LIMS2: variants seen among roughly 807,000 people sequenced by gnomAD.
The protein encoded by LIMS2 is LIM zinc finger domain containing 2, also known as LIM and senescent cell antigen-like-containing domain protein 2.
A neutral mutation model predicts 45.3 loss-of-function variants in LIMS2; 30 were observed. That is an observed-to-expected ratio of 0.66 (90% CI 0.50 to 0.90). LIMS2 has a LOEUF of 0.90. LIMS2 is among the 40% of genes least tolerant of loss of function. LIMS2 has a pLI of 0.00. For synonymous variants in LIMS2, 173 were observed against 188.0 expected (o/e 0.92, Z 0.65); for missense variants, 485 against 468.7 (o/e 1.03, Z -0.32).
chr2:127,659,170 T>C (rs1485205658), intron 1 of LIMS2, among the ~76,000 whole-genome samples: 2 of 152,178 alleles, frequency 1.3e-5, no homozygotes, highest in Non-Finnish European at 2.9e-5. Context: ...AGGCTGTCCT[T>C]TCTTCTCTGC....
chr2:127,658,540 G>T (rs778768180), intron 1 of LIMS2, among the ~76,000 whole-genome samples: 1 of 152,190 alleles, frequency 6.6e-6, no homozygotes, highest in Non-Finnish European at 1.5e-5. Flanking sequence ...GAACTACAGG[G>T]GAAAAGCCCA....
chr2:127,661,177 G>A (rs1317100511), intron 1 of LIMS2, among the ~76,000 whole-genome samples: 3 of 152,118 alleles, frequency 2.0e-5, no homozygotes, highest in Non-Finnish European at 2.9e-5. Context: ...GGGCCCAGCC[G>A]CTCAGCTCTA....
Position 127,638,817 on chromosome 2 carries a change from TGGCC to T in LIMS2, c.*460_*463del. On this transcript the variant is annotated 3_prime_UTR_variant, in exon 10 of 10. Coordinates refer to ENST00000355119, the MANE Select transcript of LIMS2 (RefSeq NM_001161403.3). ...TGGCTCCCAGAGGCCTCCATCTGCA[TGGCC>T]CTGGCCCTGTGGCTCCAGCAGGCTG... is the stretch of plus-strand genomic sequence containing the variant. 1 of 165,344 alleles carries T rather than the reference TGGCC, an allele frequency of 6.0e-6. No homozygotes were observed. Among genetic ancestry groups the T allele is most frequent in the Admixed American group, 5.9e-5 (1 of 17,044 alleles). The allele number at this position is 165,344 out of a possible 1,614,324, so 10.2% of individuals were successfully genotyped here.
In LIMS2 at chr2:127,642,988, G is replaced by A. The variant is rs752809300; in HGVS notation, c.444C>T (p.Asp148=). The A allele has an allele frequency of 2.3e-5, 37 of 1,575,446 alleles. No homozygotes were observed. Among genetic ancestry groups the A allele is most frequent in the South Asian group, 1.0e-4 (9 of 85,898 alleles). Residue 148 remains aspartate (D), a synonymous_variant, in exon 5 of 10, where the codon GAC becomes GAT. Transcript: ENST00000355119. This position sits in a 1 kb window ranked among gnomAD's most constrained non-coding sequence, Gnocchi z 5.3. ...CGCTCCTGAACATGAGGGGCTGCTC[G>A]TCGATGACCAGGTGGCACCGCTGGC... is the stretch of plus-strand genomic sequence containing the variant. ...YICQRCHLVI[D]EQPLMFRSDA...
intron 4 of LIMS2, chr2:127,650,029 G>C (rs61742898): frequency 6.2e-7 from 1 of 1,608,924 alleles, no homozygotes; most frequent in Non-Finnish European, 8.5e-7. Context: ...AACGGAGTTG[G>C]TGGGCTGGAT....
chr2:127,650,817 C>T, intron 4 of LIMS2: 1 of 1,613,906 alleles, frequency 6.2e-7, no homozygotes, highest in South Asian at 1.1e-5. Flanking sequence ...CCAGGAGACG[C>T]CACTGGAGAA....
Position 127,675,441 on chromosome 2 carries a change from C to T in LIMS2, c.-417G>A, listed in dbSNP as rs530831269. 1.3e-4 allele frequency among the ~76,000 whole-genome samples: 20 copies of T among 151,890 alleles called. No homozygotes were observed. The highest frequency in any genetic ancestry group is 4.8e-4 in the African/African-American group (20 of 41,368). ...GTAAAGGTAGAGGGTGGGCCCCGCT[C>T]CCGCACAGCCCCAGCTCCAGGGACA... On this transcript the variant is annotated 5_prime_UTR_variant, in exon 1 of 10. Coordinates refer to ENST00000355119, the MANE Select transcript of LIMS2 (RefSeq NM_001161403.3).
chr2:127,673,812 G>T, intron 1 of LIMS2: 2 of 1,416,822 alleles, frequency 1.4e-6, no homozygotes, highest in Non-Finnish European at 1.9e-6. Flanking sequence ...AGGCAGCCCC[G>T]CTAGAACCCT....
rs112944434 is a variant in LIMS2, at chr2:127,671,923, T to C, written c.11+3091A>G. ...GCTCTAGCTGCAGTCAGCTGCCCCT[T>C]GGCCGACACCTTCTGCCTAGGGGAC... On this transcript the variant is annotated intron_variant, in intron 1 of 9. Transcript: ENST00000355119. The surrounding 1 kb of genome is among the most constrained non-coding windows in gnomAD (Gnocchi z 4.1). 2.0e-5 allele frequency among the ~76,000 whole-genome samples: 3 copies of C among 152,342 alleles called. No homozygotes were observed. Among genetic ancestry groups the C allele is most frequent in the African/African-American group, 7.2e-5 (3 of 41,582 alleles).
Position 127,667,771 on chromosome 2 carries a change from A to G in LIMS2, c.11+7243T>C, listed in dbSNP as rs1685081067. ...ATGAGAAAATGAATGCTTTCCTCCT[A>G]AGGTCAGGGGGATTTCCAGTCCGCT... On this transcript the variant is annotated intron_variant, in intron 1 of 9. Coordinates refer to ENST00000355119, the MANE Select transcript of LIMS2 (RefSeq NM_001161403.3). The surrounding 1 kb of genome is among the most constrained non-coding windows in gnomAD (Gnocchi z 4.1). 6.6e-6 allele frequency among the ~76,000 whole-genome samples: 1 copy of G among 152,236 alleles called. No homozygotes were observed.
intron 4 of LIMS2, chr2:127,644,162 GC>G (rs1682710805): frequency 2.2e-6 from 1 of 453,902 alleles, no homozygotes; most frequent in Admixed American, 2.4e-5. Context: ...AGGGCAAGGG[GC>G]CCAAACAAAG....
intron 2 of LIMS2, 126 bp from the exon 3 acceptor site, chr2:127,655,022 A>C (rs1425699739): frequency 1.1e-6 from 1 of 882,592 alleles, no homozygotes; most frequent in Non-Finnish European, 1.9e-6. Context: ...TGCCGGGCTG[A>C]GGCTGGAGCA....
Position 127,664,732 on chromosome 2 carries a change from C to T in LIMS2, c.12-7170G>A, listed in dbSNP as rs999430274. The T allele has an allele frequency of 1.7e-5, 7 of 400,432 alleles. No homozygotes were observed. The highest frequency in any genetic ancestry group is 8.7e-5 in the African/African-American group (4 of 46,008). The allele number at this position is 400,432 out of a possible 1,614,324, so 24.8% of individuals were successfully genotyped here. A position where few individuals can be genotyped will look rare whatever the true frequency, so the allele number is the denominator to read the frequency against. The stretch of plus-strand genomic sequence containing the variant: ...TGGCGGCAGGACACCCAGGAGGTCT[C>T]CGGCTGCCACCTGCCAGGAGGAAAG... On this transcript the variant is annotated intron_variant, in intron 1 of 9. Coordinates refer to ENST00000355119, the MANE Select transcript of LIMS2 (RefSeq NM_001161403.3). The surrounding 1 kb of genome is among the most constrained non-coding windows in gnomAD (Gnocchi z 5.5).
chr2:127,675,856 C>G (rs1450533993), upstream of LIMS2, among the ~76,000 whole-genome samples: 3 of 152,256 alleles, frequency 2.0e-5, no homozygotes, highest in Non-Finnish European at 4.4e-5. Context: ...AGTCGCAAAG[C>G]TGCTTTCCCC....
upstream of LIMS2, among the ~76,000 whole-genome samples, chr2:127,676,621 G>A (rs958521399): frequency 6.6e-6 from 1 of 152,108 alleles, no homozygotes; most frequent in African/African-American, 2.4e-5. Flanking sequence ...TGTTGGTCAG[G>A]CTGGTTGCAA....
At chr2:127,655,463 G>C (rs1367185599) in intron 2 of LIMS2, 1 of 158,586 alleles carries the variant, frequency 6.3e-6, no homozygotes, top group Non-Finnish European at 1.4e-5. Flanking sequence ...CCACAAGCGG[G>C]GCCAAAGCCT....
chr2:127,662,294 C>T (rs1287436176), intron 1 of LIMS2, among the ~76,000 whole-genome samples: 2 of 152,176 alleles, frequency 1.3e-5, no homozygotes, highest in South Asian at 4.1e-4. Flanking sequence ...CTTCTGTCCT[C>T]CTTCCAACGA....
intron 4 of LIMS2, chr2:127,651,509 C>T (rs778001264): frequency 8.7e-6 from 14 of 1,612,634 alleles, no homozygotes; most frequent in South Asian, 3.3e-5. Flanking sequence ...GCTCCGTCTA[C>T]GTGCTGCACT....
intron 4 of LIMS2, among the ~76,000 whole-genome samples, chr2:127,654,038 C>T (rs994562251): frequency 2.0e-5 from 3 of 151,998 alleles, no homozygotes; most frequent in Admixed American, 2.0e-4. Flanking sequence ...AAGGTGGGAA[C>T]TTCTGGAGTA....
Sources: gnomAD v4.1 joint callset for allele counts (sites outside exome capture counted in the v4.1 genomes callset) on GRCh38, gnomAD v4.1.1 for gene constraint, Gnocchi (gnomAD v3.1) non-coding constraint, MANE v1.5 for transcripts, NCBI Gene and HGNC (gene_info 2026-07-23, HGNC 2026-07-21) for gene names.